The following AMPH variants were observed in gnomAD, a reference collection of about 807,000 sequenced individuals.
The protein encoded by AMPH is amphiphysin (Stiff-Mann syndrome with breast cancer 128kD autoantigen).
AMPH carries 49 observed loss-of-function variants against 99.1 expected under a neutral mutation model. The ratio of observed to expected loss-of-function variants is 0.49; its 90% confidence interval spans 0.39 to 0.63. The LOEUF (loss-of-function observed/expected upper bound fraction) is 0.63, where lower values mean the gene tolerates loss of function less well. Ranked by LOEUF, AMPH falls within the 20% of genes least tolerant of loss-of-function variation. The pLI is 0.00. For missense variants in AMPH, 759 were observed against 863.4 expected (o/e 0.88, Z 1.52); for synonymous variants, 314 against 317.3 (o/e 0.99, Z 0.11).
intron 4 of AMPH, among the ~76,000 whole-genome samples, chr7:38,493,968 T>A (rs984417708): frequency 6.6e-6 from 1 of 152,176 alleles, no homozygotes; most frequent in East Asian, 1.9e-4. Context: ...TTTCTTTTAT[T>A]TTCTTCGAGA....
chr7:38,530,985 C>T (rs551962545), intron 2 of AMPH: 2 of 151,406 alleles, frequency 1.3e-5, no homozygotes, highest in Non-Finnish European at 2.9e-5. Flanking sequence ...ACTCCTAATT[C>T]CTTCCTTCCT....
intron 1 of AMPH, among the ~76,000 whole-genome samples, chr7:38,620,364 CTGTG>C (rs377389687): frequency 3.5e-5 from 4 of 114,098 alleles, no homozygotes; most frequent in Non-Finnish European, 5.9e-5. Flanking sequence ...GTGTGTGTGT[CTGTG>C]TGTGTGTGTT....
chr7:38,407,540 G>A (rs1485386354), intron 17 of AMPH, among the ~76,000 whole-genome samples: 2 of 151,838 alleles, frequency 1.3e-5, no homozygotes, highest in African/African-American at 2.4e-5. Flanking sequence ...TGGTTTAATA[G>A]AAGCCCAAAT....
At chr7:38,423,968 T>C (rs1785689203) in intron 15 of AMPH, among the ~76,000 whole-genome samples, 2 of 152,106 alleles carry the variant, frequency 1.3e-5, no homozygotes. Context: ...CACTGAGTAC[T>C]TACATAATAA....
At chr7:38,531,017 C>G (rs1343370959) in intron 2 of AMPH, 1 of 152,094 alleles carries the variant, frequency 6.6e-6, no homozygotes, top group Non-Finnish European at 1.5e-5. Flanking sequence ...TTCTTTCCTT[C>G]CTTCTTTCCT....
intron 1 of AMPH, among the ~76,000 whole-genome samples, chr7:38,624,519 C>T (rs1169522274): frequency 6.7e-6 from 1 of 149,854 alleles, no homozygotes; most frequent in Admixed American, 6.7e-5. Flanking sequence ...CTCGGCCTCC[C>T]GAGTATCCTG....
chr7:38,521,076 C>T (rs767257497), intron 2 of AMPH, among the ~76,000 whole-genome samples: 1 of 151,992 alleles, frequency 6.6e-6, no homozygotes, highest in Non-Finnish European at 1.5e-5. Context: ...GAGAGAAAGC[C>T]CAAAGCAAAC....
chr7:38,527,870 T>C (rs1790247053), intron 2 of AMPH, among the ~76,000 whole-genome samples: 1 of 152,202 alleles, frequency 6.6e-6, no homozygotes, highest in Non-Finnish European at 1.5e-5. Flanking sequence ...ATATTAACTG[T>C]ACGTTAGGTT....
At chr7:38,393,736 C>G (rs1044316746) in intron 18 of AMPH, among the ~76,000 whole-genome samples, 3 of 152,232 alleles carry the variant, frequency 2.0e-5, no homozygotes, top group Non-Finnish European at 4.4e-5. Flanking sequence ...ATTCCTTTCT[C>G]CACGTCACCC....
intron 1 of AMPH, among the ~76,000 whole-genome samples, chr7:38,599,164 T>G (rs1245712853): frequency 6.6e-6 from 1 of 152,228 alleles, no homozygotes; most frequent in Admixed American, 6.5e-5. Flanking sequence ...GTGGAGAGAA[T>G]GTGGTCTATG....
intron 11 of AMPH, among the ~76,000 whole-genome samples, chr7:38,441,862 T>TATATATC (rs1562757820): frequency 1.7e-5 from 2 of 114,654 alleles, no homozygotes; most frequent in African/African-American, 8.5e-5. Flanking sequence ...ATATATATCA[T>TATATATC]ATATATCATA....
At chr7:38,402,547 C>T (rs1450822517) in intron 17 of AMPH, among the ~76,000 whole-genome samples, 1 of 152,140 alleles carries the variant, frequency 6.6e-6, no homozygotes, top group African/African-American at 2.4e-5. Flanking sequence ...AGAACAGGAG[C>T]TGGAGAGGGA....
At chr7:38,388,111 A>G (rs1360408938) in intron 20 of AMPH, among the ~76,000 whole-genome samples, 4 of 152,312 alleles carry the variant, frequency 2.6e-5, no homozygotes, top group Non-Finnish European at 2.9e-5. Context: ...AGCTAAAGGA[A>G]GTTCTTTAAG....
intron 11 of AMPH, among the ~76,000 whole-genome samples, chr7:38,445,010 T>TATATATATATATATATAGACACACAC (rs1458295332): frequency 2.5e-4 from 31 of 125,980 alleles, no homozygotes; most frequent in Non-Finnish European, 2.7e-4. Context: ...TATATATATA[T>TATATATATATATATATAGACACACAC]ACACACACAC....
At chr7:38,503,160 G>A (rs6979938) in intron 3 of AMPH, among the ~76,000 whole-genome samples, 7,284 of 152,266 alleles carry the variant, frequency 0.048, 210 homozygotes, top group South Asian at 0.082. Context: ...TGCATTGCAC[G>A]TCGGTAGGGA....
At chr7:38,537,188 T>C (rs985793535) in intron 1 of AMPH, among the ~76,000 whole-genome samples, 4 of 152,082 alleles carry the variant, frequency 2.6e-5, no homozygotes, top group Non-Finnish European at 4.4e-5. Flanking sequence ...CATCAAAAAA[T>C]ATTGATAAGC....
rs185371365 is a variant in AMPH at position 38,527,696 on chromosome 7, G to C, written c.150+7235C>G. Among the ~76,000 whole-genome samples the C allele has an allele frequency of 2.0e-5, 3 of 152,286 alleles. No homozygotes were observed. In the East Asian group the frequency reaches 5.8e-4, roughly 29 times the overall value. ...ATTATGTCATCTGCAGACAAAATGA[G>C]TGTAATTTCTTTATGAGCTATACGC... On this transcript the variant is annotated intron_variant, in intron 2 of 20. Transcript: ENST00000356264.
chr7:38,565,239 C>T (rs1431875014), intron 1 of AMPH, among the ~76,000 whole-genome samples: 1 of 152,026 alleles, frequency 6.6e-6, no homozygotes, highest in Non-Finnish European at 1.5e-5. Flanking sequence ...AGTTTCAAGC[C>T]ATATTATTCC....
chr7:38,485,144 T>G (rs1788438473), intron 5 of AMPH, among the ~76,000 whole-genome samples: 1 of 151,852 alleles, frequency 6.6e-6, no homozygotes, highest in Non-Finnish European at 1.5e-5. Context: ...TTACTTTAAA[T>G]GTAAGTTAAT....
Sources: gnomAD v4.1 joint callset for allele counts (sites outside exome capture counted in the v4.1 genomes callset) on GRCh38, gnomAD v4.1.1 for gene constraint, MANE v1.5 for transcripts, NCBI Gene and HGNC (gene_info 2026-07-23, HGNC 2026-07-21) for gene names.